HIVEP2: variants seen among roughly 807,000 people sequenced by gnomAD.
HIVEP2 encodes HIVEP zinc finger 2.
A neutral mutation model predicts 180.7 loss-of-function variants in HIVEP2; 14 were observed. That is an observed-to-expected ratio of 0.08 (90% CI 0.05 to 0.12). The LOEUF is 0.12. HIVEP2 is among the 10% of genes least tolerant of loss of function. HIVEP2 has a pLI of 1.00. For missense variants in HIVEP2, 2,579 were observed against 3,008.5 expected, an observed-to-expected ratio of 0.86 and a Z score of 3.34; for synonymous variants, 1,184 against 1,136.4, an observed-to-expected ratio of 1.04 and a Z score of -0.84.
Position 142,842,247 on chromosome 6 carries a change from T to G in HIVEP2, c.-640-5200A>C, listed in dbSNP as rs561313053. On this transcript the variant is annotated intron_variant, in intron 1 of 9. Transcript: ENST00000367603. ...CAAAGATAGAGAAAAAGTGCAGAAA[T>G]ACAAATCACTTAAAATTATAAATAA... Among the ~76,000 whole-genome samples, 6 of 152,280 alleles carry G rather than the reference T, an allele frequency of 3.9e-5. No individual in the cohort carries two copies. The East Asian group carries it at 1.2e-3, about 29-fold the overall frequency.
In HIVEP2 at chr6:142,945,096, T is replaced by C. The variant is rs1778289198; in HGVS notation, c.-641+3A>G. ...CGCGCGCCGCGGCCCCCTCCCCCGC[T>C]ACCTGACAACGGGCCGCCGCCGGCC... On this transcript the variant is annotated splice_donor_region_variant and intron_variant, in intron 1 of 9. Transcript: ENST00000367603. This position sits in a 1 kb window ranked among gnomAD's most constrained non-coding sequence, Gnocchi z 5.5. The C allele has an allele frequency of 6.8e-6, 1 of 146,008 alleles. No individual in the cohort carries two copies. Among genetic ancestry groups the C allele is most frequent in the Non-Finnish European group, 1.5e-5 (1 of 65,964 alleles). The allele number at this position is 146,008 out of a possible 1,614,324, so 9.0% of individuals were successfully genotyped here.
At chr6:142,776,713 T>C (rs1201163037) in intron 3 of HIVEP2, among the ~76,000 whole-genome samples, 5 of 152,062 alleles carry the variant, frequency 3.3e-5, no homozygotes, top group Non-Finnish European at 7.4e-5. Context: ...TGTATTTTGT[T>C]GTAGAGATGA....
At chr6:142,765,407 T>C (rs1212589923) in intron 6 of HIVEP2, among the ~76,000 whole-genome samples, 1 of 152,242 alleles carries the variant, frequency 6.6e-6, no homozygotes, top group Non-Finnish European at 1.5e-5. Flanking sequence ...TGTACAAACA[T>C]ACAACCCTCT....
chr6:142,888,617 A>C (rs1362577520), intron 1 of HIVEP2, among the ~76,000 whole-genome samples: 4 of 152,142 alleles, frequency 2.6e-5, no homozygotes, highest in Non-Finnish European at 1.5e-5. Context: ...GCACACACAT[A>C]CATATTCAAC....
intron 9 of HIVEP2, among the ~76,000 whole-genome samples, chr6:142,757,780 T>A (rs1775115195): frequency 6.6e-6 from 1 of 152,246 alleles, no homozygotes; most frequent in Non-Finnish European, 1.5e-5. Flanking sequence ...TTTCTGGGCA[T>A]GTATCTAAAA....
intron 1 of HIVEP2, among the ~76,000 whole-genome samples, chr6:142,902,019 A>G (rs1305690794): frequency 1.3e-5 from 2 of 152,196 alleles, no homozygotes; most frequent in African/African-American, 2.4e-5. Context: ...CTAGATGATA[A>G]CCCAAATAAT....
intron 2 of HIVEP2, among the ~76,000 whole-genome samples, chr6:142,813,470 G>T (rs1776748020): frequency 6.6e-6 from 1 of 151,574 alleles, no homozygotes; most frequent in Non-Finnish European, 1.5e-5. Context: ...CCTTAAATTT[G>T]CCCCTTCATT....
At chr6:142,824,668 T>C (rs1256328717) in intron 2 of HIVEP2, among the ~76,000 whole-genome samples, 1 of 152,224 alleles carries the variant, frequency 6.6e-6, no homozygotes, top group Non-Finnish European at 1.5e-5. Context: ...TTATGCCTAA[T>C]ACCTCGTAGC....
chr6:142,772,398 T>C lies in HIVEP2; in HGVS notation c.2341A>G (p.Ile781Val), dbSNP rs1363714289. Residue 781 changes from isoleucine (I) to valine (V), a missense_variant, in exon 5 of 10, where the codon ATT (isoleucine) becomes GTT (valine). Ile to Val is a conservative substitution (Grantham distance 29). Coordinates refer to ENST00000367603, the MANE Select transcript of HIVEP2 (RefSeq NM_006734.4). This position sits in a 1 kb window ranked among gnomAD's most constrained non-coding sequence, Gnocchi z 4.9. ...AGGTCTGACATCTTGTCTGAATCAA[T>C]GGCTGAAGGTGACTCCTCTGACACA... The part of the protein sequence containing the change: ...SLVSEESPSA[I>V]DSDKMSDLGG... 1.9e-6 allele frequency: 3 copies of C among 1,614,096 alleles called. No individual in the cohort carries two copies. Among genetic ancestry groups the C allele is most frequent in the Non-Finnish European group, 2.5e-6 (3 of 1,180,042 alleles).
intron 2 of HIVEP2, among the ~76,000 whole-genome samples, chr6:142,803,642 C>T (rs756411427): frequency 6.6e-6 from 1 of 151,474 alleles, no homozygotes; most frequent in Non-Finnish European, 1.5e-5. Flanking sequence ...AACTCAAAAG[C>T]GCACAGATGC....
intron 2 of HIVEP2, among the ~76,000 whole-genome samples, chr6:142,813,864 C>T (rs959300931): frequency 6.6e-6 from 1 of 151,874 alleles, no homozygotes; most frequent in African/African-American, 2.4e-5. Flanking sequence ...CCATGCCTGG[C>T]CTCAGATGTT....
chr6:142,805,744 G>A (rs1219162320), intron 2 of HIVEP2, among the ~76,000 whole-genome samples: 3 of 152,106 alleles, frequency 2.0e-5, no homozygotes, highest in Non-Finnish European at 2.9e-5. Flanking sequence ...ACTGCACATA[G>A]ATTTTATAAT....
At chr6:142,807,829 G>A (rs1448231278) in intron 2 of HIVEP2, among the ~76,000 whole-genome samples, 2 of 152,166 alleles carry the variant, frequency 1.3e-5, no homozygotes. Flanking sequence ...CAGAAGGACT[G>A]GCCAGTGACC....
chr6:142,771,106 A>G lies in HIVEP2; in HGVS notation c.3633T>C (p.Pro1211=). The change falls in exon 5 of 10, where the codon CCT becomes CCC. Residue 1211 remains proline (P), a synonymous_variant. Transcript: ENST00000367603. This position sits in a 1 kb window ranked among gnomAD's most constrained non-coding sequence, Gnocchi z 5.4. ...IQNALFQFQY[P]TVCMVHLPAQ... Reference sequence around the variant, plus strand: ...CTGGTAAATGAACCATACAAACTGTAGGATACTGAAACTGAAACAAGGCAT... The same window carrying G: ...CTGGTAAATGAACCATACAAACTGTGGGATACTGAAACTGAAACAAGGCAT... The G allele has an allele frequency of 1.9e-6, 3 of 1,614,214 alleles. No homozygotes were observed. Among genetic ancestry groups the G allele is most frequent in the Non-Finnish European group, 2.5e-6 (3 of 1,180,036 alleles).
chr6:142,881,026 A>C (rs1185613584), intron 1 of HIVEP2, among the ~76,000 whole-genome samples: 3 of 152,172 alleles, frequency 2.0e-5, no homozygotes, highest in African/African-American at 4.8e-5. Flanking sequence ...TTTCTTGAGG[A>C]AATAAGTTTT....
In HIVEP2 at chr6:142,770,745, T is replaced by C; in HGVS notation, c.3994A>G (p.Thr1332Ala). Residue 1332 changes from threonine (T) to alanine (A), a missense_variant, in exon 5 of 10, where the codon ACA becomes GCA. Coordinates refer to ENST00000367603, the MANE Select transcript of HIVEP2 (RefSeq NM_006734.4). This position sits in a 1 kb window ranked among gnomAD's most constrained non-coding sequence, Gnocchi z 4.7. ...NAGSLQSLPG[T>A]VVPVRIQTHV... The stretch of plus-strand genomic sequence containing the variant: ...GTCTGGATCCGAACAGGAACCACTG[T>C]TCCTGGGAGGGACTGCAAAGACCCA... 6.2e-7 allele frequency: 1 copy of C among 1,614,194 alleles called. No individual in the cohort carries two copies. The highest frequency in any genetic ancestry group is 8.5e-7 in the Non-Finnish European group (1 of 1,180,036).
intron 1 of HIVEP2, among the ~76,000 whole-genome samples, chr6:142,937,583 G>C (rs1359929323): frequency 6.6e-6 from 1 of 152,126 alleles, no homozygotes; most frequent in Non-Finnish European, 1.5e-5. Context: ...TGGGCTACCT[G>C]TTTATCCATA....
chr6:142,808,985 C>G (rs192308103), intron 2 of HIVEP2, among the ~76,000 whole-genome samples: 148 of 152,164 alleles, frequency 9.7e-4, no homozygotes, highest in African/African-American at 2.9e-3. Context: ...ATGAAAGGCT[C>G]CTGAAGGCTG....
chr6:142,927,931 GACAGATCGTCA>G (rs1400202063), intron 1 of HIVEP2, among the ~76,000 whole-genome samples: 1 of 152,214 alleles, frequency 6.6e-6, no homozygotes, highest in Non-Finnish European at 1.5e-5. Context: ...TGCAGTTTGA[GACAGATCGTCA>G]ACTACAAAAC....
Sources: allele counts gnomAD v4.1 joint callset (sites outside exome capture counted in the v4.1 genomes callset), GRCh38; gene constraint gnomAD v4.1.1; non-coding constraint Gnocchi (gnomAD v3.1); transcripts MANE v1.5; gene names NCBI Gene and HGNC (gene_info 2026-07-23, HGNC 2026-07-21).